The following MACROD2 variants were observed in gnomAD, a reference collection of about 807,000 sequenced individuals.
MACROD2 encodes ADP-ribose glycohydrolase MACROD2.
Under a neutral mutation model 70.4 loss-of-function variants are expected in MACROD2, and 36 were observed. That is an observed-to-expected ratio of 0.51 (90% confidence interval 0.39 to 0.68). MACROD2 has a LOEUF of 0.68. Among genes scored for constraint, MACROD2 ranks in the 30% least tolerant of loss-of-function variants. The pLI, the probability that MACROD2 is intolerant of heterozygous loss-of-function variation, is 0.00. For synonymous variants in MACROD2, 172 were observed against 178.8 expected, an observed-to-expected ratio of 0.96 and a Z score of 0.30; for missense variants, 496 against 538.4, an observed-to-expected ratio of 0.92 and a Z score of 0.78.
intron 3 of MACROD2, chr20:14,337,421 G>A (rs1314334342): frequency 2.3e-5 from 8 of 354,532 alleles, no homozygotes; most frequent in Non-Finnish European, 4.0e-5. Flanking sequence ...ACGAGAAAAA[G>A]CAATCCTATA....
rs76423053 is a variant in MACROD2 at position 14,333,945 on chromosome 20, A to G, written c.272-159534A>G. Among the ~76,000 whole-genome samples the G allele has an allele frequency of 8.1e-3, 1,230 of 152,310 alleles. 10 individuals are homozygous for G. Among genetic ancestry groups the G allele is most frequent in the South Asian group, 0.032 (152 of 4,822 alleles). ...AAAGTTGCCTCGGTAACTTGTGCAC[A>G]TGTAAAGTGAAAGAATAAAGAACAA... On this transcript the variant is annotated intron_variant, in intron 3 of 17. Coordinates refer to ENST00000684519, the MANE Select transcript of MACROD2 (RefSeq NM_001351661.2).
chr20:14,228,372 C>T (rs1229998307), intron 3 of MACROD2, among the ~76,000 whole-genome samples: 2 of 148,420 alleles, frequency 1.3e-5, no homozygotes, highest in Admixed American at 1.4e-4. Flanking sequence ...GAGTCTCTCT[C>T]TGTCACCCAG....
chr20:14,978,224 C>T (rs1425004659), intron 5 of MACROD2, among the ~76,000 whole-genome samples: 2 of 152,110 alleles, frequency 1.3e-5, no homozygotes, highest in African/African-American at 4.8e-5. Context: ...GAGATTCTTC[C>T]ATATCCTACA....
chr20:14,639,037 A>G (rs1019453945), intron 4 of MACROD2, among the ~76,000 whole-genome samples: 1 of 152,174 alleles, frequency 6.6e-6, no homozygotes, highest in African/African-American at 2.4e-5. Context: ...GTGATGGTAA[A>G]ATAATACATA....
At chr20:15,503,014 G>T (rs1288874168) in intron 8 of MACROD2, among the ~76,000 whole-genome samples, 1 of 152,164 alleles carries the variant, frequency 6.6e-6, no homozygotes, top group Non-Finnish European at 1.5e-5. Flanking sequence ...CCAGAAAAAG[G>T]CACCCAGGGA....
At position 14,965,606 on chromosome 20, in the gene MACROD2, G is replaced by A. The variant is rs1387209095; in HGVS notation, c.419-264334G>A. Among the ~76,000 whole-genome samples the A allele has an allele frequency of 2.0e-5, 3 of 148,068 alleles. No homozygotes were observed. The South Asian group carries it at 6.4e-4, about 32-fold the overall frequency. On this transcript the variant is annotated intron_variant, in intron 5 of 17. Coordinates refer to ENST00000684519, the MANE Select transcript of MACROD2 (RefSeq NM_001351661.2). Reference sequence around the variant, plus strand: ...CTCCCTAGTAACTGGGGCTATAGGCGCCCGCCACTATGCCCAGCTAATTTT... The same window carrying A: ...CTCCCTAGTAACTGGGGCTATAGGCACCCGCCACTATGCCCAGCTAATTTT...
At chr20:14,508,550 T>G (rs1414735077) in intron 4 of MACROD2, among the ~76,000 whole-genome samples, 1 of 152,102 alleles carries the variant, frequency 6.6e-6, no homozygotes, top group Non-Finnish European at 1.5e-5. Context: ...TTTTCAGAGA[T>G]TTGACATTAG....
chr20:15,535,952 A>G (rs1021758237), intron 8 of MACROD2, among the ~76,000 whole-genome samples: 9 of 152,356 alleles, frequency 5.9e-5, no homozygotes, highest in Middle Eastern at 3.4e-3. Flanking sequence ...CCAGAAGGGT[A>G]GGAGTGGCTG....
rs565151239 is a variant in MACROD2, at chr20:14,305,368, G to A, written c.272-188111G>A. 8.6e-5 allele frequency among the ~76,000 whole-genome samples: 13 copies of A among 151,994 alleles called. No homozygotes were observed. In the South Asian group the frequency reaches 1.0e-3, roughly 12 times the overall value. On this transcript the variant is annotated intron_variant, in intron 3 of 17. Coordinates refer to ENST00000684519, the MANE Select transcript of MACROD2 (RefSeq NM_001351661.2). ...CACAGAATATAACCTTCATGAGTGC[G>A]TACATATATATAATAATATACACAT...
chr20:15,483,148 G>A (rs553288816), intron 7 of MACROD2, among the ~76,000 whole-genome samples: 4 of 152,096 alleles, frequency 2.6e-5, no homozygotes, highest in African/African-American at 9.6e-5. Flanking sequence ...ATCCAAAGTT[G>A]CCTAGGTTTT....
chr20:15,825,599 A>G (rs1038431146), intron 8 of MACROD2, among the ~76,000 whole-genome samples: 6 of 152,052 alleles, frequency 3.9e-5, no homozygotes, highest in African/African-American at 1.4e-4. Context: ...CCTGGGTTCA[A>G]GCCAGATAAA....
chr20:15,524,224 T>G (rs897760193), intron 8 of MACROD2, among the ~76,000 whole-genome samples: 4 of 151,852 alleles, frequency 2.6e-5, no homozygotes, highest in Non-Finnish European at 4.4e-5. Context: ...GCTCTCAGAT[T>G]TGATGCTTCT....
chr20:15,573,401 A>G (rs983557454), intron 8 of MACROD2, among the ~76,000 whole-genome samples: 2 of 152,156 alleles, frequency 1.3e-5, no homozygotes, highest in African/African-American at 4.8e-5. Flanking sequence ...ACGTGCACAG[A>G]TTTCAAATTA....
At chr20:15,520,782 C>G (rs1002683735) in intron 8 of MACROD2, among the ~76,000 whole-genome samples, 3 of 152,342 alleles carry the variant, frequency 2.0e-5, no homozygotes, top group African/African-American at 7.2e-5. Flanking sequence ...TTTAGATATT[C>G]TCTGATCAAG....
intron 5 of MACROD2, among the ~76,000 whole-genome samples, chr20:14,820,199 T>C (rs1456129753): frequency 6.6e-6 from 1 of 152,036 alleles, no homozygotes; most frequent in Non-Finnish European, 1.5e-5. Flanking sequence ...AAATAGCTTC[T>C]GAAGGCCTTT....
At chr20:16,038,906 A>G (rs1053549434) in intron 15 of MACROD2, among the ~76,000 whole-genome samples, 1 of 152,136 alleles carries the variant, frequency 6.6e-6, no homozygotes, top group Middle Eastern at 3.4e-3. Context: ...ATTAAAAGTT[A>G]GACTTCAGGT....
intron 5 of MACROD2, among the ~76,000 whole-genome samples, chr20:15,150,661 A>T (rs1170348201): frequency 1.3e-5 from 2 of 151,914 alleles, no homozygotes; most frequent in African/African-American, 4.8e-5. Context: ...GAGGTATCCT[A>T]TACTTGTGGG....
intron 6 of MACROD2, among the ~76,000 whole-genome samples, chr20:15,325,063 C>A (rs913895312): frequency 3.0e-4 from 45 of 152,108 alleles, no homozygotes; most frequent in African/African-American, 1.0e-3. Flanking sequence ...GTAGCAGAGA[C>A]AGGGTAGTCA....
chr20:15,647,941 A>T (rs1450341763), intron 8 of MACROD2, among the ~76,000 whole-genome samples: 1 of 151,632 alleles, frequency 6.6e-6, no homozygotes, highest in Non-Finnish European at 1.5e-5. Flanking sequence ...CTGTTCTCAA[A>T]CTCCTGACCT....
Sources: gnomAD v4.1 joint callset for allele counts (sites outside exome capture counted in the v4.1 genomes callset) on GRCh38, gnomAD v4.1.1 for gene constraint, MANE v1.5 for transcripts, NCBI Gene and HGNC (gene_info 2026-07-23, HGNC 2026-07-21) for gene names.